SUPT3H: variants seen among roughly 807,000 people sequenced by gnomAD.
SUPT3H encodes SPT3 homolog, SAGA and STAGA complex component, also known as transcription initiation protein SPT3 homolog.
A neutral mutation model predicts 44.3 loss-of-function variants in SUPT3H; 44 were observed. The observed-to-expected ratio is 0.99, with a 90% confidence interval of 0.78 to 1.28. SUPT3H has a LOEUF of 1.28. SUPT3H is among the 50% of genes most tolerant of loss of function. The probability of loss-of-function intolerance (pLI) is 0.00; values close to 1 mark genes in which losing one functional copy is unlikely to be tolerated. For missense variants in SUPT3H, 380 were observed against 387.1 expected (o/e 0.98, Z 0.15); for synonymous variants, 124 against 125.6 (o/e 0.99, Z 0.09).
At chr6:45,031,937 C>T (rs57619602) in intron 3 of SUPT3H, among the ~76,000 whole-genome samples, 108 of 152,274 alleles carry the variant, frequency 7.1e-4, no homozygotes, top group African/African-American at 2.3e-3. Context: ...GTACACAAAT[C>T]AGCAGGTGAT....
chr6:44,897,358 T>C (rs1373370107), intron 10 of SUPT3H, among the ~76,000 whole-genome samples: 1 of 152,160 alleles, frequency 6.6e-6, no homozygotes, highest in Admixed American at 6.5e-5. Flanking sequence ...GTTAGAAAAA[T>C]ATTCACTTAA....
chr6:44,888,759 T>C (rs1265841487), intron 10 of SUPT3H, among the ~76,000 whole-genome samples: 1 of 152,118 alleles, frequency 6.6e-6, no homozygotes, highest in Non-Finnish European at 1.5e-5. Context: ...TTGGAAGTTC[T>C]GGCCAGGGCA....
chr6:45,040,092 A>G (rs9357465), intron 3 of SUPT3H, among the ~76,000 whole-genome samples: 149,121 of 152,250 alleles, frequency 0.98, 73,041 homozygotes, highest in Middle Eastern at 1. Context: ...AATATAAAGG[A>G]CCAAATAATA....
chr6:45,247,576 A>G (rs1001015080), intron 2 of SUPT3H, among the ~76,000 whole-genome samples: 1 of 152,184 alleles, frequency 6.6e-6, no homozygotes, highest in African/African-American at 2.4e-5. Flanking sequence ...ATGCACATGC[A>G]TTACTACAAT....
chr6:45,330,258 A>G (rs1787190324), intron 2 of SUPT3H, among the ~76,000 whole-genome samples: 1 of 151,958 alleles, frequency 6.6e-6, no homozygotes, highest in Admixed American at 6.6e-5. Context: ...AAAAACTTCT[A>G]TATTAAGGAA....
intron 2 of SUPT3H, among the ~76,000 whole-genome samples, chr6:45,307,711 C>A (rs752673417): frequency 6.6e-6 from 1 of 152,168 alleles, no homozygotes; most frequent in Non-Finnish European, 1.5e-5. Context: ...AATCAGAGTG[C>A]CTCTCCTCCT....
chr6:45,280,029 C>T (rs1194187945), intron 2 of SUPT3H, among the ~76,000 whole-genome samples: 2 of 152,172 alleles, frequency 1.3e-5, no homozygotes, highest in Non-Finnish European at 2.9e-5. Context: ...TTTCAATCCC[C>T]ACATCCAATC....
chr6:45,239,565 G>A (rs1379363323), intron 2 of SUPT3H, among the ~76,000 whole-genome samples: 8 of 152,292 alleles, frequency 5.3e-5, no homozygotes, highest in Admixed American at 2.6e-4. Context: ...ATGTTCCCTC[G>A]TTTGGGAGAC....
chr6:45,017,414 C>T (rs945249718), intron 4 of SUPT3H, among the ~76,000 whole-genome samples: 6 of 151,108 alleles, frequency 4.0e-5, no homozygotes, highest in Admixed American at 3.3e-4. Flanking sequence ...ACATGAAGTC[C>T]TTGCCCATGC....
intron 1 of SUPT3H, among the ~76,000 whole-genome samples, chr6:45,369,631 T>TA (rs1795716445): frequency 6.6e-6 from 1 of 152,138 alleles, no homozygotes; most frequent in African/African-American, 2.4e-5. Context: ...GACACACTCT[T>TA]ATTTAAAGCC....
At chr6:45,168,327 C>T (rs138263818) in intron 2 of SUPT3H, among the ~76,000 whole-genome samples, 4 of 152,142 alleles carry the variant, frequency 2.6e-5, no homozygotes, top group African/African-American at 9.6e-5. Flanking sequence ...CAAATTTTCT[C>T]GAATTTTGGA....
downstream of SUPT3H, among the ~76,000 whole-genome samples, chr6:44,822,408 C>A (rs1468040165): frequency 6.6e-6 from 1 of 152,146 alleles, no homozygotes; most frequent in Non-Finnish European, 1.5e-5. Flanking sequence ...CTAAAAGGCT[C>A]ATTGTCTTTA....
intron 2 of SUPT3H, among the ~76,000 whole-genome samples, chr6:45,259,069 T>G (rs1773896735): frequency 1.3e-5 from 2 of 152,176 alleles, no homozygotes; most frequent in African/African-American, 4.8e-5. Context: ...ACAAATTTTT[T>G]CGGTACTTTT....
chr6:44,834,879 G>T (rs1415733911), intron 10 of SUPT3H, among the ~76,000 whole-genome samples: 1 of 152,122 alleles, frequency 6.6e-6, no homozygotes, highest in Non-Finnish European at 1.5e-5. Flanking sequence ...GGGGCGGTTA[G>T]GGGAGGGGGA....
At chr6:45,014,202 A>G (rs1783904950) in intron 5 of SUPT3H, among the ~76,000 whole-genome samples, 1 of 152,034 alleles carries the variant, frequency 6.6e-6, no homozygotes, top group Admixed American at 6.6e-5. Flanking sequence ...CAAAATTAGA[A>G]CATACAAATG....
intron 2 of SUPT3H, among the ~76,000 whole-genome samples, chr6:45,187,711 A>T (rs961947835): frequency 3.3e-5 from 5 of 152,234 alleles, no homozygotes; most frequent in Non-Finnish European, 7.3e-5. Context: ...CCAAGACAAT[A>T]CAGTACAAAA....
chr6:45,058,585 G>A (rs1481555939), intron 3 of SUPT3H, among the ~76,000 whole-genome samples: 1 of 151,992 alleles, frequency 6.6e-6, no homozygotes. Flanking sequence ...AAGTACCTGT[G>A]GGGCTCTTTG....
intron 3 of SUPT3H, among the ~76,000 whole-genome samples, chr6:45,053,562 TC>T (rs1388827372): frequency 6.6e-6 from 1 of 151,596 alleles, no homozygotes; most frequent in Non-Finnish European, 1.5e-5. Flanking sequence ...CTCTCATTTC[TC>T]CTTCACCCTT....
chr6:45,020,100 C>CT, intron 4 of SUPT3H, among the ~76,000 whole-genome samples: 1 of 151,924 alleles, frequency 6.6e-6, no homozygotes, highest in East Asian at 1.9e-4. Flanking sequence ...TATTAATTTA[C>CT]TTTTTTCAAT....
Sources: gnomAD v4.1 joint callset for allele counts (sites outside exome capture counted in the v4.1 genomes callset) on GRCh38, gnomAD v4.1.1 for gene constraint, MANE v1.5 for transcripts, NCBI Gene and HGNC (gene_info 2026-07-23, HGNC 2026-07-21) for gene names.